The following LRP1B variants were observed in gnomAD, a reference collection of about 807,000 sequenced individuals.
The protein encoded by LRP1B is LDL receptor related protein 1B, also known as low-density lipoprotein receptor-related protein 1B.
In LRP1B, 217 loss-of-function variants were observed where a neutral mutation model predicts 556.6. That is an observed-to-expected ratio of 0.39 (90% CI 0.35 to 0.44). LRP1B has a LOEUF of 0.44. Ranked by LOEUF, LRP1B falls within the 20% of genes least tolerant of loss-of-function variation. The pLI is 1.00. For synonymous variants in LRP1B, 2,047 were observed against 1,865.8 expected, an observed-to-expected ratio of 1.10 and a Z score of -2.50; for missense variants, 5,053 against 5,620.8, an observed-to-expected ratio of 0.90 and a Z score of 3.23.
At chr2:140,828,590 C>T (rs1184398911) in intron 31 of LRP1B, among the ~76,000 whole-genome samples, 1 of 100,560 alleles carries the variant, frequency 9.9e-6, no homozygotes, top group African/African-American at 4.0e-5. Context: ...GCCTGGGCGA[C>T]AGAGCGAGAC....
intron 3 of LRP1B, among the ~76,000 whole-genome samples, chr2:141,347,056 T>A (rs1203658337): frequency 6.6e-6 from 1 of 152,104 alleles, no homozygotes; most frequent in Non-Finnish European, 1.5e-5. Context: ...ATTATTAATA[T>A]AAAAAGAAAC....
intron 78 of LRP1B, among the ~76,000 whole-genome samples, chr2:140,334,812 A>G (rs570129759): frequency 7.2e-5 from 11 of 152,194 alleles, no homozygotes; most frequent in Non-Finnish European, 1.3e-4. Flanking sequence ...ACAGCTCATT[A>G]TTTAATATCC....
At chr2:140,554,850 G>GTGTT in intron 43 of LRP1B, among the ~76,000 whole-genome samples, 1 of 129,190 alleles carries the variant, frequency 7.7e-6, no homozygotes, top group Admixed American at 7.7e-5. Flanking sequence ...TTTAAAGTGT[G>GTGTT]TGTATGTGTG....
intron 2 of LRP1B, among the ~76,000 whole-genome samples, chr2:141,732,644 AC>A (rs1175793875): frequency 6.6e-6 from 1 of 152,132 alleles, no homozygotes; most frequent in Non-Finnish European, 1.5e-5. Flanking sequence ...CACAGATTTC[AC>A]CAGAAAATGA....
At chr2:141,568,859 T>C (rs1045789983) in intron 2 of LRP1B, among the ~76,000 whole-genome samples, 2 of 150,938 alleles carry the variant, frequency 1.3e-5, no homozygotes, top group African/African-American at 2.4e-5. Flanking sequence ...GTTCAAGCAA[T>C]TTTCCTGCCT....
At chr2:140,259,197 TAGACTC>T (rs1224818041) in intron 86 of LRP1B, among the ~76,000 whole-genome samples, 5 of 152,240 alleles carry the variant, frequency 3.3e-5, no homozygotes, top group Admixed American at 6.5e-5. Context: ...TTTCCTTAAA[TAGACTC>T]AGAGGCTTCA....
chr2:141,296,299 C>T (rs947166669), intron 3 of LRP1B, among the ~76,000 whole-genome samples: 1 of 152,016 alleles, frequency 6.6e-6, no homozygotes, highest in Admixed American at 6.6e-5. Context: ...ACCAGACTAG[C>T]TTATTCAATA....
intron 2 of LRP1B, among the ~76,000 whole-genome samples, chr2:141,553,868 T>G (rs1685852085): frequency 7.3e-6 from 1 of 137,116 alleles, no homozygotes; most frequent in South Asian, 2.2e-4. Flanking sequence ...ATAATATATC[T>G]ATAATAATAT....
chr2:141,305,092 TTA>T (rs1686537017), intron 3 of LRP1B, among the ~76,000 whole-genome samples: 1 of 152,216 alleles, frequency 6.6e-6, no homozygotes, highest in East Asian at 1.9e-4. Flanking sequence ...TATACAAATT[TTA>T]TAATTGCTTT....
intron 7 of LRP1B, among the ~76,000 whole-genome samples, chr2:141,145,685 C>T (rs1333932051): frequency 6.6e-6 from 1 of 151,530 alleles, no homozygotes; most frequent in Admixed American, 6.6e-5. Flanking sequence ...AGGCACGCAC[C>T]ACCACGCCTG....
intron 2 of LRP1B, among the ~76,000 whole-genome samples, chr2:141,550,878 C>T (rs1389527224): frequency 1.3e-5 from 2 of 152,016 alleles, no homozygotes; most frequent in Non-Finnish European, 1.5e-5. Context: ...GATGATGTGT[C>T]ATATGCCATA....
At chr2:140,881,367 A>G (rs1332310683) in intron 25 of LRP1B, among the ~76,000 whole-genome samples, 1 of 152,110 alleles carries the variant, frequency 6.6e-6, no homozygotes, top group Admixed American at 6.6e-5. Flanking sequence ...TTATCAAAAT[A>G]GCCAATAAAC....
chr2:141,629,939 A>G (rs748112780), intron 2 of LRP1B, among the ~76,000 whole-genome samples: 22 of 152,162 alleles, frequency 1.4e-4, no homozygotes, highest in Non-Finnish European at 2.8e-4. Context: ...ATCAGGCATG[A>G]GAGAAGAGCA....
intron 43 of LRP1B, among the ~76,000 whole-genome samples, chr2:140,551,340 A>G (rs1680541418): frequency 6.6e-6 from 1 of 152,134 alleles, no homozygotes; most frequent in Admixed American, 6.6e-5. Context: ...AAATAAGCAA[A>G]GAGGAGGGGG....
intron 66 of LRP1B, among the ~76,000 whole-genome samples, chr2:140,404,342 C>A (rs1684641427): frequency 6.6e-6 from 1 of 151,412 alleles, no homozygotes; most frequent in Non-Finnish European, 1.5e-5. Context: ...GCCCAGCTAT[C>A]TTTGTATTTT....
intron 2 of LRP1B, among the ~76,000 whole-genome samples, chr2:141,552,930 T>C (rs1275744461): frequency 6.6e-6 from 1 of 151,966 alleles, no homozygotes; most frequent in Non-Finnish European, 1.5e-5. Context: ...AAAACTACGT[T>C]ATATGAGAAA....
chr2:140,286,358 C>A (rs1683152443), intron 84 of LRP1B, among the ~76,000 whole-genome samples: 2 of 151,726 alleles, frequency 1.3e-5, no homozygotes, highest in African/African-American at 4.8e-5. Flanking sequence ...AAGAGGGAGA[C>A]TGGAAAGGAA....
intron 1 of LRP1B, among the ~76,000 whole-genome samples, chr2:141,976,823 G>T (rs1701900582): frequency 6.6e-6 from 1 of 151,906 alleles, no homozygotes; most frequent in Non-Finnish European, 1.5e-5. Context: ...AAGGACCTGG[G>T]GGTACTAGTT....
chr2:140,563,659 C>T (rs189560922), intron 43 of LRP1B, among the ~76,000 whole-genome samples: 1 of 151,662 alleles, frequency 6.6e-6, no homozygotes, highest in East Asian at 1.9e-4. Context: ...ATCATGCCAA[C>T]ATTTTATAGG....
Sources: allele counts gnomAD v4.1 joint callset (sites outside exome capture counted in the v4.1 genomes callset), GRCh38; gene constraint gnomAD v4.1.1; transcripts MANE v1.5; gene names NCBI Gene and HGNC (gene_info 2026-07-23, HGNC 2026-07-21).